The following PCDHA9 variants were observed in gnomAD, a reference collection of about 807,000 sequenced individuals.
The protein encoded by PCDHA9 is protocadherin alpha 9.
Under a neutral mutation model 62.0 loss-of-function variants are expected in PCDHA9, and 62 were observed. The ratio of observed to expected loss-of-function variants is 1.00; its 90% CI spans 0.81 to 1.23. The LOEUF is 1.23. Among genes scored for constraint, PCDHA9 ranks in the 50% most tolerant of loss-of-function variants. The pLI, the probability that PCDHA9 is intolerant of heterozygous loss-of-function variation, is 0.00. For synonymous variants in PCDHA9, 557 were observed against 567.6 expected, an observed-to-expected ratio of 0.98 and a Z score of 0.27; for missense variants, 1,205 against 1,249.8, an observed-to-expected ratio of 0.96 and a Z score of 0.54.
intron 1 of PCDHA9, chr5:140,876,494 T>C: frequency 1.2e-6 from 2 of 1,614,062 alleles, no homozygotes; most frequent in African/African-American, 1.3e-5. Flanking sequence ...GTGGAAGTTC[T>C]GGACGTGAAT....
chr5:140,867,991 T>G (rs1379820729), intron 1 of PCDHA9: 8 of 152,164 alleles, frequency 5.3e-5, no homozygotes, highest in Non-Finnish European at 8.8e-5. Flanking sequence ...ACTATTTTCA[T>G]GAATATAACT....
At chr5:140,876,172 G>C in intron 1 of PCDHA9, 1 of 1,613,970 alleles carries the variant, frequency 6.2e-7, no homozygotes, top group East Asian at 2.2e-5. Flanking sequence ...AACCGTCCTG[G>C]ATGTGAATGA....
chr5:140,867,215 C>T (rs989219715), intron 1 of PCDHA9: 14 of 152,216 alleles, frequency 9.2e-5, no homozygotes, highest in South Asian at 2.1e-4. Flanking sequence ...ACATCTTCAT[C>T]CCCAATTCCC....
intron 1 of PCDHA9, chr5:140,882,766 G>T: frequency 1.2e-6 from 2 of 1,614,184 alleles, no homozygotes; most frequent in South Asian, 2.2e-5. Context: ...GAGTAAACTC[G>T]GCATTGACCT....
At chr5:140,904,949 T>A (rs2071498656) in intron 1 of PCDHA9, among the ~76,000 whole-genome samples, 1 of 152,228 alleles carries the variant, frequency 6.6e-6, no homozygotes, top group South Asian at 2.1e-4. Flanking sequence ...TAGTCCTTTG[T>A]CTGATGCAGA....
intron 1 of PCDHA9, among the ~76,000 whole-genome samples, chr5:140,964,199 A>G (rs1183847716): frequency 1.3e-5 from 2 of 152,240 alleles, no homozygotes; most frequent in Non-Finnish European, 2.9e-5. Flanking sequence ...AGAGTATACC[A>G]TCTCTTTAGT....
chr5:140,926,990 G>T (rs2083733718), intron 1 of PCDHA9: 1 of 1,611,558 alleles, frequency 6.2e-7, no homozygotes, highest in Admixed American at 1.7e-5. Flanking sequence ...ACGGAGCGGG[G>T]CGTAGCCGTA....
chr5:140,848,483 C>A lies in PCDHA9; in HGVS notation c.-13C>A. 6.4e-7 allele frequency: 1 copy of A among 1,570,024 alleles called. No individual in the cohort carries two copies. The highest frequency in any genetic ancestry group is 8.7e-7 in the Non-Finnish European group (1 of 1,151,172). On this transcript the variant is annotated 5_prime_UTR_variant, in exon 1 of 4. The change creates a new upstream start codon in the 5' untranslated region. Transcript: ENST00000532602. The stretch of plus-strand genomic sequence containing the variant: ...GCAATTTTCACTAATTAGAAGAAGA[C>A]TGAGTATTTGAAATGTTATACTCAA...
Position 140,882,649 on chromosome 5 carries a change from C to T in PCDHA9, c.2394+31760C>T, listed in dbSNP as rs559940161. On this transcript the variant is annotated intron_variant, in intron 1 of 3. Transcript: ENST00000532602. ...TGGAGGTGAAGGTGAGGGACATTAA[C>T]GACAACCCGCCCATATTCCCTGAAA... The T allele has an allele frequency of 6.2e-6, 10 of 1,614,214 alleles. No individual in the cohort carries two copies. In the African/African-American group the frequency reaches 1.1e-4, roughly 17 times the overall value.
At chr5:140,880,694 A>T (rs1254061280) in intron 1 of PCDHA9, among the ~76,000 whole-genome samples, 1 of 152,346 alleles carries the variant, frequency 6.6e-6, no homozygotes, top group South Asian at 2.1e-4. Context: ...AGTCATGGTT[A>T]AGTGACAATG....
intron 1 of PCDHA9, chr5:140,875,498 C>A (rs782226561): frequency 1.9e-6 from 3 of 1,613,292 alleles, no homozygotes; most frequent in East Asian, 4.5e-5. Flanking sequence ...CCAAGAGGCC[C>A]GGGATCCCAG....
chr5:140,864,439 T>A (rs2048478325), intron 1 of PCDHA9: 1 of 152,242 alleles, frequency 6.6e-6, no homozygotes, highest in South Asian at 2.1e-4. Flanking sequence ...CAATTTTGTT[T>A]CTTCATGATC....
intron 1 of PCDHA9, among the ~76,000 whole-genome samples, chr5:140,903,060 T>C (rs1412957275): frequency 6.6e-6 from 1 of 152,316 alleles, no homozygotes; most frequent in East Asian, 1.9e-4. Flanking sequence ...TGACTTCTTT[T>C]CCTTTGGGTA....
intron 1 of PCDHA9, among the ~76,000 whole-genome samples, chr5:140,921,063 T>G (rs1054649837): frequency 6.6e-6 from 1 of 152,078 alleles, no homozygotes; most frequent in Admixed American, 6.6e-5. Context: ...CACTCTAACC[T>G]TGAACTCTTG....
chr5:140,927,910 C>A lies in PCDHA9; in HGVS notation c.2395-51039C>A, dbSNP rs782484227. 2.5e-6 allele frequency: 4 copies of A among 1,614,216 alleles called. No homozygotes were observed. In the South Asian group the frequency reaches 3.3e-5, roughly 13 times the overall value. On this transcript the variant is annotated intron_variant, in intron 1 of 3. Transcript: ENST00000532602. ...TGACGTGAACGATCATGCCCCCGAACTGGACTTCCTGACTCTTTCGAACCC... is the reference window on the plus strand; with the variant it reads ...TGACGTGAACGATCATGCCCCCGAAATGGACTTCCTGACTCTTTCGAACCC...
In PCDHA9 at chr5:140,990,740, G is replaced by C. The variant is rs76434886; in HGVS notation, c.2542+8177G>C. Among the ~76,000 whole-genome samples the C allele has an allele frequency of 8.5e-3, 1,294 of 152,288 alleles. 21 individuals carry two copies. Among genetic ancestry groups the C allele is most frequent in the African/African-American group, 0.029 (1,222 of 41,552 alleles). ...ATCACTAGGTATATCAACAGCCCTA[G>C]GGTGGATACCTTTGAGCCTGTAAAT... On this transcript the variant is annotated intron_variant, in intron 3 of 3. Coordinates refer to ENST00000532602, the MANE Select transcript of PCDHA9 (RefSeq NM_031857.2).
Position 140,883,641 on chromosome 5 carries a change from C to T in PCDHA9, c.2394+32752C>T, listed in dbSNP as rs1427282306. On this transcript the variant is annotated intron_variant, in intron 1 of 3. Coordinates refer to ENST00000532602, the MANE Select transcript of PCDHA9 (RefSeq NM_031857.2). ...GACAACGCGCCGGCGTTCGCGCAGC[C>T]CGAGTACACGGTGTTCGTGAAGGAA... is the stretch of plus-strand genomic sequence containing the variant. 3.7e-6 allele frequency: 6 copies of T among 1,613,840 alleles called. No homozygotes were observed. In the Admixed American group the frequency reaches 6.7e-5, roughly 18 times the overall value.
intron 1 of PCDHA9, among the ~76,000 whole-genome samples, chr5:140,909,815 C>A (rs1168197798): frequency 3.9e-5 from 6 of 152,094 alleles, no homozygotes; most frequent in Non-Finnish European, 8.8e-5. Flanking sequence ...ACTCCATAAG[C>A]CCCTACTTTA....
chr5:140,887,853 C>G (rs145942561), intron 1 of PCDHA9, among the ~76,000 whole-genome samples: 1 of 152,170 alleles, frequency 6.6e-6, no homozygotes, highest in African/African-American at 2.4e-5. Flanking sequence ...GACATATTTT[C>G]CAAGTTCACT....
Sources: allele counts gnomAD v4.1 joint callset (sites outside exome capture counted in the v4.1 genomes callset), GRCh38; gene constraint gnomAD v4.1.1; transcripts MANE v1.5; gene names NCBI Gene and HGNC (gene_info 2026-07-23, HGNC 2026-07-21).